CREB5: variants seen among roughly 807,000 people sequenced by gnomAD.
The protein encoded by CREB5 is cyclic AMP-responsive element-binding protein 5.
A neutral mutation model predicts 57.1 loss-of-function variants in CREB5; 19 were observed. The observed-to-expected ratio is 0.33, with a 90% confidence interval of 0.23 to 0.49. CREB5 has a LOEUF of 0.49. Among genes scored for constraint, CREB5 ranks in the 20% least tolerant of loss-of-function variants. The pLI, the probability that CREB5 is intolerant of heterozygous loss-of-function variation, is 0.99. For synonymous variants in CREB5, 238 were observed against 238.3 expected, an observed-to-expected ratio of 1.00 and a Z score of 0.01; for missense variants, 579 against 671.6, an observed-to-expected ratio of 0.86 and a Z score of 1.52.
At chr7:28,743,359 C>A (rs1804490219) in intron 7 of CREB5, among the ~76,000 whole-genome samples, 1 of 152,076 alleles carries the variant, frequency 6.6e-6, no homozygotes. Context: ...CTGGTGAAAC[C>A]TCATCTCTAC....
rs565557114 is a variant in CREB5, at chr7:28,524,543, A to G, written c.291+16806A>G. On this transcript the variant is annotated intron_variant, in intron 4 of 10. Coordinates refer to ENST00000357727, the MANE Select transcript of CREB5 (RefSeq NM_182898.4). ...ATTTGCCAATTCATGAAAGAGCTAG[A>G]ATTATTGAGGATAAAAATACCTAAT... 2.6e-5 allele frequency among the ~76,000 whole-genome samples: 4 copies of G among 152,248 alleles called. No individual in the cohort carries two copies. The South Asian group carries it at 8.3e-4, about 32-fold the overall frequency.
In CREB5 at chr7:28,620,795, C is replaced by G. The variant is rs188265585; in HGVS notation, c.464+50258C>G. On this transcript the variant is annotated intron_variant, in intron 5 of 10. Coordinates refer to ENST00000357727, the MANE Select transcript of CREB5 (RefSeq NM_182898.4). ...GTCAGGAGTTGTCTATACAGATAGC[C>G]AAGTCTTCCTAGAAATACTGTTACC... 8.3e-4 allele frequency among the ~76,000 whole-genome samples: 126 copies of G among 152,100 alleles called. 2 individuals carry two copies. Among genetic ancestry groups the G allele is most frequent in the African/African-American group, 2.8e-3 (115 of 41,494 alleles).
chr7:28,788,830 TAAA>T (rs11403343), intron 7 of CREB5, among the ~76,000 whole-genome samples: 1 of 137,064 alleles, frequency 7.3e-6, no homozygotes, highest in Non-Finnish European at 1.6e-5. Context: ...TCTTCTGGTT[TAAA>T]AAAAAAAAAA....
rs1810005537 is a variant in CREB5 at position 28,825,393 on chromosome 7, G to T, written c.*6114G>T. ...TCTCTCTAGAGAGGACATAGGGTTT[G>T]GGATCCTCTGAAAAGGCCCAGAAAA... On this transcript the variant is annotated 3_prime_UTR_variant, in exon 11 of 11. Transcript: ENST00000357727. 1 of 152,388 alleles carries T rather than the reference G, an allele frequency of 6.6e-6. No individual in the cohort carries two copies. Among genetic ancestry groups the T allele is most frequent in the African/African-American group, 2.4e-5 (1 of 41,438 alleles). 9.4% of individuals were successfully genotyped at this position (152,388 alleles called of 1,614,324 possible).
chr7:28,639,718 T>G (rs545943615), intron 5 of CREB5, among the ~76,000 whole-genome samples: 84 of 152,172 alleles, frequency 5.5e-4, no homozygotes, highest in Non-Finnish European at 1.1e-3. Context: ...ATCTGCTATG[T>G]AGGAGAACCC....
intron 1 of CREB5, among the ~76,000 whole-genome samples, chr7:28,446,741 G>A (rs1004758418): frequency 3.3e-5 from 5 of 152,128 alleles, no homozygotes; most frequent in Admixed American, 2.6e-4. Context: ...GCAGTGAGCC[G>A]AGATCACGCC....
chr7:28,514,420 G>A (rs1051464767), intron 4 of CREB5, among the ~76,000 whole-genome samples: 2 of 151,958 alleles, frequency 1.3e-5, no homozygotes, highest in African/African-American at 4.8e-5. Context: ...TTTGGAGATA[G>A]AGTCTTACTC....
At chr7:28,561,579 C>T (rs1425064521) in intron 4 of CREB5, among the ~76,000 whole-genome samples, 1 of 152,148 alleles carries the variant, frequency 6.6e-6, no homozygotes, top group Non-Finnish European at 1.5e-5. Flanking sequence ...ATTGAGAAAA[C>T]TGAAGTACAG....
intron 5 of CREB5, among the ~76,000 whole-genome samples, chr7:28,595,009 T>C (rs1796646486): frequency 6.6e-6 from 1 of 152,178 alleles, no homozygotes; most frequent in Non-Finnish European, 1.5e-5. Flanking sequence ...TTTCTAACTT[T>C]AGTCATTCAT....
chr7:28,685,427 G>C (rs879905271), intron 5 of CREB5, among the ~76,000 whole-genome samples: 1 of 152,128 alleles, frequency 6.6e-6, no homozygotes, highest in Admixed American at 6.5e-5. Flanking sequence ...GGTCAGATGC[G>C]AGAAGTCTCC....
At chr7:28,753,583 T>C (rs1406237698) in intron 7 of CREB5, among the ~76,000 whole-genome samples, 1 of 152,220 alleles carries the variant, frequency 6.6e-6, no homozygotes, top group Non-Finnish European at 1.5e-5. Context: ...TTTGGGGAGA[T>C]AGATTCATTG....
intron 1 of CREB5, among the ~76,000 whole-genome samples, chr7:28,334,880 A>G (rs1164821990): frequency 5.3e-5 from 8 of 152,136 alleles, no homozygotes; most frequent in Admixed American, 5.2e-4. Flanking sequence ...TGATTTTTGT[A>G]TATGGTGAGA....
chr7:28,487,366 C>CA (rs1379450125), intron 1 of CREB5, among the ~76,000 whole-genome samples: 1 of 152,208 alleles, frequency 6.6e-6, no homozygotes, highest in Non-Finnish European at 1.5e-5. Flanking sequence ...CATGAGCCAC[C>CA]ATGCCTGTCT....
At chr7:28,814,156 C>T (rs1809286773) in intron 9 of CREB5, among the ~76,000 whole-genome samples, 1 of 152,162 alleles carries the variant, frequency 6.6e-6, no homozygotes, top group African/African-American at 2.4e-5. Flanking sequence ...TTGTTCTCTT[C>T]CAAAATGAAT....
intron 5 of CREB5, among the ~76,000 whole-genome samples, chr7:28,670,372 G>A (rs1158477586): frequency 1.3e-5 from 2 of 152,142 alleles, no homozygotes; most frequent in East Asian, 3.8e-4. Flanking sequence ...TAACTGAAAC[G>A]GCAGAAAACC....
rs1320979313 is a variant in CREB5, at chr7:28,718,986, G to A, written c.591+107G>A. 2.5e-5 allele frequency: 38 copies of A among 1,530,916 alleles called. No individual in the cohort carries two copies. The South Asian group carries it at 2.9e-4, about 12-fold the overall frequency. 94.8% of individuals were successfully genotyped at this position (1,530,916 alleles called of 1,614,324 possible). On this transcript the variant is annotated intron_variant, in intron 6 of 10. Transcript: ENST00000357727. ...GATCCAAGCTGATGGGAAAGAAGGC[G>A]ACTGCTTCTGAATGGAGGGTTGAGC...
At chr7:28,332,193 C>T (rs1785729677) in intron 1 of CREB5, among the ~76,000 whole-genome samples, 1 of 152,150 alleles carries the variant, frequency 6.6e-6, no homozygotes, top group African/African-American at 2.4e-5. Context: ...AAGTTAATAG[C>T]CACCAGAAAC....
intron 1 of CREB5, among the ~76,000 whole-genome samples, chr7:28,381,930 C>T (rs927010288): frequency 5.9e-5 from 9 of 152,176 alleles, no homozygotes; most frequent in African/African-American, 2.2e-4. Flanking sequence ...AATTGGCTCA[C>T]TTGATGACAA....
chr7:28,299,813 A>G (rs1255836354), intron 1 of CREB5, among the ~76,000 whole-genome samples: 1 of 152,232 alleles, frequency 6.6e-6, no homozygotes, highest in Admixed American at 6.5e-5. Flanking sequence ...TTGTGTTACC[A>G]AAGTTTAGGA....
Sources: allele counts gnomAD v4.1 joint callset (sites outside exome capture counted in the v4.1 genomes callset), GRCh38; gene constraint gnomAD v4.1.1; transcripts MANE v1.5; gene names NCBI Gene and HGNC (gene_info 2026-07-23, HGNC 2026-07-21).